NDUFA12: variants seen among roughly 807,000 people sequenced by gnomAD.
NDUFA12 encodes NADH:ubiquinone oxidoreductase subunit A12.
In NDUFA12, 17 loss-of-function variants were observed where a neutral mutation model predicts 20.3. That is an observed-to-expected ratio of 0.84 (90% CI 0.57 to 1.26). NDUFA12 has a LOEUF of 1.26. NDUFA12 is among the 50% of genes most tolerant of loss of function. The pLI, the probability that NDUFA12 is intolerant of heterozygous loss-of-function variation, is 0.00. For missense variants in NDUFA12, 191 were observed against 183.7 expected (o/e 1.04, Z -0.23); for synonymous variants, 72 against 63.6 (o/e 1.13, Z -0.63).
intron 3 of NDUFA12, among the ~76,000 whole-genome samples, chr12:94,982,645 G>C (rs1421443285): frequency 1.3e-5 from 2 of 151,988 alleles, no homozygotes; most frequent in African/African-American, 4.8e-5. Context: ...GACAGGTGCA[G>C]GAGCTGCCCT....
At chr12:94,996,034 C>T (rs1346829566) in intron 2 of NDUFA12, among the ~76,000 whole-genome samples, 2 of 151,522 alleles carry the variant, frequency 1.3e-5, no homozygotes, top group African/African-American at 2.4e-5. Context: ...ATAGTGAAAC[C>T]TTGTCCCTAC....
chr12:94,984,728 AAC>A (rs1874356466), intron 3 of NDUFA12, among the ~76,000 whole-genome samples: 1 of 77,282 alleles, frequency 1.3e-5, no homozygotes, highest in African/African-American at 5.2e-5. Context: ...AAAAAAAAAC[AAC>A]AAAAAACCCA....
intron 3 of NDUFA12, among the ~76,000 whole-genome samples, chr12:94,988,967 C>T (rs1592702925): frequency 6.6e-6 from 1 of 152,148 alleles, no homozygotes; most frequent in Non-Finnish European, 1.5e-5. Flanking sequence ...CGTTTCTTAA[C>T]ATCTTCCCCT....
At chr12:94,984,574 G>A (rs1347396328) in intron 3 of NDUFA12, among the ~76,000 whole-genome samples, 1 of 151,490 alleles carries the variant, frequency 6.6e-6, no homozygotes, top group Non-Finnish European at 1.5e-5. Context: ...CAAACACAGG[G>A]CTCCTCAGAG....
At chr12:94,988,297 G>A (rs548919300) in intron 3 of NDUFA12, among the ~76,000 whole-genome samples, 4 of 152,184 alleles carry the variant, frequency 2.6e-5, no homozygotes, top group African/African-American at 9.6e-5. Context: ...GATATTTATG[G>A]TCATATTGTG....
chr12:94,983,157 C>T (rs1288179358), intron 3 of NDUFA12, among the ~76,000 whole-genome samples: 2 of 152,110 alleles, frequency 1.3e-5, no homozygotes, highest in Non-Finnish European at 2.9e-5. Flanking sequence ...ATATTGAAGT[C>T]ATCCTTGACT....
At chr12:94,972,136 C>T (rs111528761) in intron 3 of NDUFA12, among the ~76,000 whole-genome samples, 147 of 152,210 alleles carry the variant, frequency 9.7e-4, no homozygotes, top group Non-Finnish European at 1.4e-3. Context: ...CTATGCTGCC[C>T]AGGCTGATCT....
chr12:94,998,377 C>G (rs900118925), intron 2 of NDUFA12, among the ~76,000 whole-genome samples: 11 of 152,132 alleles, frequency 7.2e-5, no homozygotes, highest in Non-Finnish European at 1.5e-4. Flanking sequence ...AAACATCATA[C>G]CGAATGGGGA....
chr12:94,998,233 A>G (rs1183370712), intron 2 of NDUFA12, among the ~76,000 whole-genome samples: 3 of 152,234 alleles, frequency 2.0e-5, no homozygotes, highest in Admixed American at 2.0e-4. Context: ...TAAAAATCAT[A>G]TGATCATCTC....
chr12:94,980,805 T>C (rs1444650308), intron 3 of NDUFA12, among the ~76,000 whole-genome samples: 1 of 151,094 alleles, frequency 6.6e-6, no homozygotes, highest in Non-Finnish European at 1.5e-5. Context: ...AACCAAGCCA[T>C]GTCTTGCTTT....
intron 2 of NDUFA12, among the ~76,000 whole-genome samples, chr12:95,001,465 AT>A (rs1414207091): frequency 6.6e-5 from 10 of 152,012 alleles, no homozygotes; most frequent in African/African-American, 2.4e-4. Context: ...CCAAAAAAAA[AT>A]TTTTTTAAAC....
intron 3 of NDUFA12, among the ~76,000 whole-genome samples, chr12:94,983,948 G>A (rs1184345645): frequency 6.6e-6 from 1 of 151,988 alleles, no homozygotes; most frequent in Admixed American, 6.6e-5. Flanking sequence ...ATGTGTCAGA[G>A]CCTTTGTGGG....
At chr12:95,002,361 G>A (rs2136074562) in intron 2 of NDUFA12, among the ~76,000 whole-genome samples, 1 of 136,284 alleles carries the variant, frequency 7.3e-6, no homozygotes, top group Non-Finnish European at 1.5e-5. Flanking sequence ...AGAATCGCTG[G>A]AACCCAGGAG....
At chr12:95,002,015 A>G (rs1875057346) in intron 2 of NDUFA12, among the ~76,000 whole-genome samples, 1 of 151,158 alleles carries the variant, frequency 6.6e-6, no homozygotes, top group Non-Finnish European at 1.5e-5. Context: ...ATTAATTGTT[A>G]AAAGTGGAAG....
chr12:94,981,889 A>G lies in NDUFA12; in HGVS notation c.258-10269T>C, dbSNP rs148852040. ...CTTTTGTTTTTGTACTGGTGGACTT[A>G]GCAGCCTTTACTGGTGGCTGGTAGA... On this transcript the variant is annotated intron_variant, in intron 3 of 3. Transcript: ENST00000327772. Among the ~76,000 whole-genome samples, 117 of 152,366 alleles carry G rather than the reference A, an allele frequency of 7.7e-4. 1 individual carries two copies. The highest frequency in any genetic ancestry group is 2.7e-3 in the African/African-American group (114 of 41,590).
chr12:95,002,621 TGAG>T, intron 2 of NDUFA12, 115 bp downstream of exon 2: 1 of 773,838 alleles, frequency 1.3e-6, no homozygotes, highest in Non-Finnish European at 2.2e-6. Flanking sequence ...CATTTTCTAT[TGAG>T]TTTTTCATCC....
In NDUFA12 at chr12:94,971,470, C is replaced by T. The variant is rs1404082695; in HGVS notation, c.408G>A (p.Glu136=). 6.2e-7 allele frequency: 1 copy of T among 1,614,202 alleles called. No homozygotes were observed. Among genetic ancestry groups the T allele is most frequent in the Non-Finnish European group, 8.5e-7 (1 of 1,180,030 alleles). The change falls in exon 4 of 4, where the codon GAG becomes GAA. Residue 136 remains glutamate, a synonymous_variant. Transcript: ENST00000327772. The part of the protein sequence containing the change: ...PYSTTRKKIQ[E]WIPPSTPYK ...TGTAAGGTGTTGAAGGTGGGATCCA[C>T]TCCTGAATCTTCTTTCTAGTGGTAG...
At chr12:94,999,577 A>G (rs886962149) in intron 2 of NDUFA12, among the ~76,000 whole-genome samples, 1 of 152,262 alleles carries the variant, frequency 6.6e-6, no homozygotes, top group Non-Finnish European at 1.5e-5. Flanking sequence ...CAAACTATGC[A>G]TTAGACAAAG....
At chr12:94,994,140 A>G (rs766524345) in intron 3 of NDUFA12, 30 bp downstream of exon 3, 5 of 1,595,402 alleles carry the variant, frequency 3.1e-6, no homozygotes, top group Non-Finnish European at 4.3e-6. Flanking sequence ...GAAAAAAAAG[A>G]AAGACAAATA....
Sources: gnomAD v4.1 joint callset for allele counts (sites outside exome capture counted in the v4.1 genomes callset) on GRCh38, gnomAD v4.1.1 for gene constraint, MANE v1.5 for transcripts, NCBI Gene and HGNC (gene_info 2026-07-23, HGNC 2026-07-21) for gene names.